SMIM12: variants seen among roughly 807,000 people sequenced by gnomAD.
SMIM12 encodes the protein small integral membrane protein 12.
In SMIM12, 5 loss-of-function variants were observed where a neutral mutation model predicts 6.3. That is an observed-to-expected ratio of 0.80 (90% CI 0.42 to 1.68). The LOEUF (loss-of-function observed/expected upper bound fraction) is 1.68, where lower values mean the gene tolerates loss of function less well. SMIM12 is among the 40% of genes most tolerant of loss of function. The probability of loss-of-function intolerance (pLI) is 0.02; values close to 1 mark genes in which losing one functional copy is unlikely to be tolerated. For missense variants in SMIM12, 103 were observed against 121.4 expected, an observed-to-expected ratio of 0.85 and a Z score of 0.71; for synonymous variants, 51 against 48.0, an observed-to-expected ratio of 1.06 and a Z score of -0.26.
intron 1 of SMIM12, among the ~76,000 whole-genome samples, chr1:34,856,997 G>A (rs1170273486): frequency 6.6e-6 from 1 of 152,014 alleles, no homozygotes; most frequent in Non-Finnish European, 1.5e-5. Flanking sequence ...AGGAGGCTGA[G>A]GCAGGAGAAT....
At position 34,854,736 on chromosome 1, in the gene SMIM12, G is replaced by A. The variant is rs1406284366; in HGVS notation, c.*963C>T. On this transcript the variant is annotated 3_prime_UTR_variant, in exon 2 of 2. Transcript: ENST00000521580. ...TTATTAACGAGCTGGGAACATGGGT[G>A]ACCTTTTTAAAATCCCTACCAAATT... The A allele has an allele frequency of 6.4e-6, 1 of 155,766 alleles. No individual in the cohort carries two copies. Among genetic ancestry groups the A allele is most frequent in the Non-Finnish European group, 1.4e-5 (1 of 70,338 alleles). The allele number at this position is 155,766 out of a possible 1,614,324, so 9.6% of individuals were successfully genotyped here.
At position 34,851,025 on chromosome 1, in the gene SMIM12, G is replaced by C. The variant is rs988668098; in HGVS notation, c.*4674C>G. On this transcript the variant is annotated 3_prime_UTR_variant, in exon 2 of 2. Coordinates refer to ENST00000521580, the MANE Select transcript of SMIM12 (RefSeq NM_138428.6). ...TCCCTGTTGTCCCTCAGCCAAGGCT[G>C]CTCTCTCCCCTAGATCCCCACCTCA... is the stretch of plus-strand genomic sequence containing the variant. 1 of 152,214 alleles carries C rather than the reference G, an allele frequency of 6.6e-6. No individual in the cohort carries two copies. The highest frequency in any genetic ancestry group is 1.5e-5 in the Non-Finnish European group (1 of 68,040). The allele number at this position is 152,214 out of a possible 1,614,324, so 9.4% of individuals were successfully genotyped here. A position where few individuals can be genotyped will look rare whatever the true frequency, so the allele number is the denominator to read the frequency against.
rs1277740460 is a variant in SMIM12 at position 34,855,924 on chromosome 1, G to A, written c.54C>T (p.Phe18=). ...VVRTYAPYVT[F]PVAFVVGAVG... Reference sequence around the variant, plus strand: ...CAGCCCCGACCACGAAGGCAACAGGGAATGTGACATAAGGAGCATAGGTAC... The same window carrying A: ...CAGCCCCGACCACGAAGGCAACAGGAAATGTGACATAAGGAGCATAGGTAC... Residue 18 remains phenylalanine (F), a synonymous_variant, in exon 2 of 2, where the codon TTC becomes TTT. Coordinates refer to ENST00000521580, the MANE Select transcript of SMIM12 (RefSeq NM_138428.6). 4.5e-6 allele frequency: 7 copies of A among 1,551,578 alleles called. No individual in the cohort carries two copies. The highest frequency in any genetic ancestry group is 5.2e-6 in the Non-Finnish European group (6 of 1,146,990).
chr1:34,855,009 C>T lies in SMIM12; in HGVS notation c.*690G>A, dbSNP rs1432425788. On this transcript the variant is annotated 3_prime_UTR_variant, in exon 2 of 2. Transcript: ENST00000521580. The stretch of plus-strand genomic sequence containing the variant: ...TGTACTTGCCTAACTCCTAAGAAGA[C>T]CCCCAAATACCACCTGGATGATAAG... 4 of 1,235,652 alleles carry T rather than the reference C, an allele frequency of 3.2e-6. No individual in the cohort carries two copies. The highest frequency in any genetic ancestry group is 4.2e-6 in the Non-Finnish European group (4 of 949,620). The allele number at this position is 1,235,652 out of a possible 1,614,324, so 76.5% of individuals were successfully genotyped here.
rs189098100 is a variant in SMIM12 at position 34,852,118 on chromosome 1, G to C, written c.*3581C>G. ...TCTAGCTGAGAACACTAATAGACTT[G>C]CTAGAGGAAGAATTCAGTGACAAAG... is the stretch of plus-strand genomic sequence containing the variant. On this transcript the variant is annotated 3_prime_UTR_variant, in exon 2 of 2. Transcript: ENST00000521580. Among the ~76,000 whole-genome samples, 1 of 151,512 alleles carries C rather than the reference G, an allele frequency of 6.6e-6. No individual in the cohort carries two copies. The highest frequency in any genetic ancestry group is 2.0e-4 in the East Asian group (1 of 5,096).
At chr1:34,858,662 G>T (rs1638726162) in intron 1 of SMIM12, 1 of 152,174 alleles carries the variant, frequency 6.6e-6, no homozygotes, top group South Asian at 2.1e-4. Context: ...TGTCCGTTCA[G>T]ATTTCCAAAC....
rs1640920510 is a variant in SMIM12, at chr1:34,851,160, G to C, written c.*4539C>G. 6.6e-6 allele frequency: 1 copy of C among 151,956 alleles called. No individual in the cohort carries two copies. Among genetic ancestry groups the C allele is most frequent in the Non-Finnish European group, 1.5e-5 (1 of 68,004 alleles). The allele number at this position is 151,956 out of a possible 1,614,324, so 9.4% of individuals were successfully genotyped here. A position where few individuals can be genotyped will look rare whatever the true frequency, so the allele number is the denominator to read the frequency against. Reference sequence around the variant, plus strand: ...TACCTACTGGTTGTTGTGAGGATGAGGTAATGTATGTAAAGTTTTAGCACA... The same window carrying C: ...TACCTACTGGTTGTTGTGAGGATGACGTAATGTATGTAAAGTTTTAGCACA... On this transcript the variant is annotated 3_prime_UTR_variant, in exon 2 of 2. Coordinates refer to ENST00000521580, the MANE Select transcript of SMIM12 (RefSeq NM_138428.6).
Position 34,855,126 on chromosome 1 carries a change from T to C in SMIM12, c.*573A>G. ...AAGATGGTGACTGTTTTCAAGCAAATTCACGAGGCACATGTTCGTCCCTGC... is the reference window on the plus strand; with the variant it reads ...AAGATGGTGACTGTTTTCAAGCAAACTCACGAGGCACATGTTCGTCCCTGC... On this transcript the variant is annotated 3_prime_UTR_variant, in exon 2 of 2. Transcript: ENST00000521580. The C allele has an allele frequency of 3.7e-6, 5 of 1,339,638 alleles. No individual in the cohort carries two copies. In the South Asian group the frequency reaches 6.0e-5, roughly 16 times the overall value. 83.0% of individuals were successfully genotyped at this position (1,339,638 alleles called of 1,614,324 possible).
Position 34,854,875 on chromosome 1 carries a change from G to T in SMIM12, c.*824C>A, listed in dbSNP as rs1003916428. 8.2e-6 allele frequency: 2 copies of T among 244,210 alleles called. No homozygotes were observed. The highest frequency in any genetic ancestry group is 1.6e-5 in the Non-Finnish European group (2 of 128,470). The allele number at this position is 244,210 out of a possible 1,614,324, so 15.1% of individuals were successfully genotyped here. A position where few individuals can be genotyped will look rare whatever the true frequency, so the allele number is the denominator to read the frequency against. On this transcript the variant is annotated 3_prime_UTR_variant, in exon 2 of 2. Coordinates refer to ENST00000521580, the MANE Select transcript of SMIM12 (RefSeq NM_138428.6). Reference sequence around the variant, plus strand: ...CAGCCAATTGTAATAATGGTAAAAAGGTTCCTGGGAATCTGTGCCTCCAGG... The same window carrying T: ...CAGCCAATTGTAATAATGGTAAAAATGTTCCTGGGAATCTGTGCCTCCAGG...
chr1:34,855,968 C>A lies in SMIM12; in HGVS notation c.10G>T (p.Val4Leu). The change falls in exon 2 of 2, where the codon GTG (valine) becomes TTG (leucine). Residue 4 changes from valine to leucine, a missense_variant. Transcript: ENST00000521580. MWP[V>L]FWTVVRTYAP... is the part of the protein sequence containing the mutation. ...TAGGTACGAACCACGGTCCAAAACACAGGCCACATGACATCTGCGGAAAAG... is the reference window on the plus strand; with the variant it reads ...TAGGTACGAACCACGGTCCAAAACAAAGGCCACATGACATCTGCGGAAAAG... 1 of 1,546,588 alleles carries A rather than the reference C, an allele frequency of 6.5e-7. No homozygotes were observed. Among genetic ancestry groups the A allele is most frequent in the African/African-American group, 1.4e-5 (1 of 73,040 alleles).
rs376951799 is a variant in SMIM12 at position 34,855,766 on chromosome 1, C to T, written c.212G>A (p.Ser71Asn). 2.5e-6 allele frequency: 4 copies of T among 1,576,500 alleles called. No homozygotes were observed. In the African/African-American group the frequency reaches 5.4e-5, roughly 21 times the overall value. Residue 71 changes from serine (S) to asparagine (N), a missense_variant, in exon 2 of 2, where the codon AGC becomes AAC. Physicochemically the swap from Ser to Asn is conservative, Grantham distance 46. Coordinates refer to ENST00000521580, the MANE Select transcript of SMIM12 (RefSeq NM_138428.6). Reference sequence around the variant, plus strand: ...GGCAAATTCTAGCTTGTCCTTAAGGCTCACCACCTGCGTGTGGTCCTTGCC... The same window carrying T: ...GGCAAATTCTAGCTTGTCCTTAAGGTTCACCACCTGCGTGTGGTCCTTGCC... Reference protein sequence around the residue: ...LLGKDHTQVVSLKDKLEFAPK... With the variant: ...LLGKDHTQVVNLKDKLEFAPK...
rs1170570542 is a variant in SMIM12, at chr1:34,855,362, C to A, written c.*337G>T. 1.4e-6 allele frequency: 2 copies of A among 1,447,346 alleles called. No homozygotes were observed. The highest frequency in any genetic ancestry group is 2.8e-5 in the African/African-American group (2 of 70,864). 89.7% of individuals were successfully genotyped at this position (1,447,346 alleles called of 1,614,324 possible). A position where few individuals can be genotyped will look rare whatever the true frequency, so the allele number is the denominator to read the frequency against. On this transcript the variant is annotated 3_prime_UTR_variant, in exon 2 of 2. Transcript: ENST00000521580. ...TCCCTCCTAAAGGCAACGCCCAAAT[C>A]CCAGCCATTCCCACTAGAGGCCAAA...
chr1:34,855,623 G>T lies in SMIM12; in HGVS notation c.*76C>A, dbSNP rs774268090. On this transcript the variant is annotated 3_prime_UTR_variant, in exon 2 of 2. Coordinates refer to ENST00000521580, the MANE Select transcript of SMIM12 (RefSeq NM_138428.6). ...TAAGCAACAAAGCCAATTAGATGTG[G>T]GTTCTGGGGCTCTGTCAACATGGTA... 6.2e-7 allele frequency: 1 copy of T among 1,613,964 alleles called. No homozygotes were observed.
chr1:34,855,432 C>A lies in SMIM12; in HGVS notation c.*267G>T, dbSNP rs1288244640. On this transcript the variant is annotated 3_prime_UTR_variant, in exon 2 of 2. Coordinates refer to ENST00000521580, the MANE Select transcript of SMIM12 (RefSeq NM_138428.6). ...GACAGCCAATGTTCATCTCATAACT[C>A]TCCTCCCAGCAGTGCACCAGTAAAC... The A allele has an allele frequency of 4.5e-6, 7 of 1,559,500 alleles. No individual in the cohort carries two copies. Among genetic ancestry groups the A allele is most frequent in the Non-Finnish European group, 6.1e-6 (7 of 1,145,202 alleles).
Position 34,855,999 on chromosome 1 carries a change from G to A in SMIM12, c.-5-17C>T, listed in dbSNP as rs557117531. On this transcript the variant is annotated splice_polypyrimidine_tract_variant and intron_variant, in intron 1 of 1. Coordinates refer to ENST00000521580, the MANE Select transcript of SMIM12 (RefSeq NM_138428.6). ...ACATGACATCTGCGGAAAAGCACAA[G>A]GCAGCATTAGAGAACCCAGCATCAT... The A allele has an allele frequency of 4.4e-5, 68 of 1,528,930 alleles. No homozygotes were observed. The African/African-American group carries it at 9.1e-4, about 20-fold the overall frequency. The allele number at this position is 1,528,930 out of a possible 1,614,324, so 94.7% of individuals were successfully genotyped here. A position where few individuals can be genotyped will look rare whatever the true frequency, so the allele number is the denominator to read the frequency against.
rs751547467 is a variant in SMIM12 at position 34,855,400 on chromosome 1, A to C, written c.*299T>G. On this transcript the variant is annotated 3_prime_UTR_variant, in exon 2 of 2. Transcript: ENST00000521580. Reference sequence around the variant, plus strand: ...ACTAGAGGCCAAACCGCCTGCCCACAGAGATTGACAGCCAATGTTCATCTC... The same window carrying C: ...ACTAGAGGCCAAACCGCCTGCCCACCGAGATTGACAGCCAATGTTCATCTC... 1 of 1,505,472 alleles carries C rather than the reference A, an allele frequency of 6.6e-7. No homozygotes were observed. Among genetic ancestry groups the C allele is most frequent in the South Asian group, 1.1e-5 (1 of 89,370 alleles). The allele number at this position is 1,505,472 out of a possible 1,614,324, so 93.3% of individuals were successfully genotyped here.
chr1:34,856,673 T>C (rs1638664601), intron 1 of SMIM12: 1 of 152,174 alleles, frequency 6.6e-6, no homozygotes, highest in African/African-American at 2.4e-5. Flanking sequence ...GCCGGCCACC[T>C]TTTCCCCATG....
chr1:34,851,811 A>AG lies in SMIM12; in HGVS notation c.*3887dup, dbSNP rs1234424274. On this transcript the variant is annotated 3_prime_UTR_variant, in exon 2 of 2. Coordinates refer to ENST00000521580, the MANE Select transcript of SMIM12 (RefSeq NM_138428.6). ...ATTGGGCTGGGAAGAGACGGGGGTAAGCGGGGAGCAAAAAGCCCCAAGCAC... is the reference window on the plus strand; with the variant it reads ...ATTGGGCTGGGAAGAGACGGGGGTAAGGCGGGGAGCAAAAAGCCCCAAGCAC... Among the ~76,000 whole-genome samples, 3 of 152,188 alleles carry AG rather than the reference A, an allele frequency of 2.0e-5. No individual in the cohort carries two copies. The highest frequency in any genetic ancestry group is 2.9e-5 in the Non-Finnish European group (2 of 68,030).
In SMIM12 at chr1:34,851,550, T is replaced by C. The variant is rs1640929881; in HGVS notation, c.*4149A>G. ...CCAGACTCTGGCAAGGCTAATTCCATGATGTTTCACTCAGCGGCAGTCCCA... is the reference window on the plus strand; with the variant it reads ...CCAGACTCTGGCAAGGCTAATTCCACGATGTTTCACTCAGCGGCAGTCCCA... On this transcript the variant is annotated 3_prime_UTR_variant, in exon 2 of 2. Coordinates refer to ENST00000521580, the MANE Select transcript of SMIM12 (RefSeq NM_138428.6). 1 of 152,176 alleles carries C rather than the reference T, an allele frequency of 6.6e-6. No homozygotes were observed. The highest frequency in any genetic ancestry group is 1.5e-5 in the Non-Finnish European group (1 of 68,036). 9.4% of individuals were successfully genotyped at this position (152,176 alleles called of 1,614,324 possible). A position where few individuals can be genotyped will look rare whatever the true frequency, so the allele number is the denominator to read the frequency against.
Sources: gnomAD v4.1 joint callset for allele counts (sites outside exome capture counted in the v4.1 genomes callset) on GRCh38, gnomAD v4.1.1 for gene constraint, MANE v1.5 for transcripts, NCBI Gene and HGNC (gene_info 2026-07-23, HGNC 2026-07-21) for gene names.